The following FAM8A1 variants were observed in gnomAD, a reference collection of about 807,000 sequenced individuals.
FAM8A1 encodes the protein family with sequence similarity 8 member A1.
FAM8A1 carries 18 observed loss-of-function variants against 38.3 expected under a neutral mutation model. The ratio of observed to expected loss-of-function variants is 0.47; its 90% CI spans 0.33 to 0.70. The LOEUF (loss-of-function observed/expected upper bound fraction) is 0.70. Among genes scored for constraint, FAM8A1 ranks in the 30% least tolerant of loss-of-function variants. The pLI is 0.03. For synonymous variants in FAM8A1, 246 were observed against 234.4 expected (o/e 1.05, Z -0.45); for missense variants, 559 against 559.6 (o/e 1.00, Z 0.01).
Position 17,610,024 on chromosome 6 carries a change from TA to T in FAM8A1, c.*1688del, listed in dbSNP as rs1764116985. ...TAATTAAGTACATCAATGTACTAAA[TA>T]AATCATTCAGTTGCACCCATGGGGA... On this transcript the variant is annotated 3_prime_UTR_variant, in exon 5 of 5. Coordinates refer to ENST00000259963, the MANE Select transcript of FAM8A1 (RefSeq NM_016255.3). 1 of 152,176 alleles carries T rather than the reference TA, an allele frequency of 6.6e-6. No homozygotes were observed. The highest frequency in any genetic ancestry group is 2.4e-5 in the African/African-American group (1 of 41,456). The allele number at this position is 152,176 out of a possible 1,614,324, so 9.4% of individuals were successfully genotyped here.
At position 17,610,944 on chromosome 6, in the gene FAM8A1, A is replaced by G. The variant is rs1052444775; in HGVS notation, c.*2605A>G. The G allele has an allele frequency of 9.9e-5, 15 of 152,182 alleles. No homozygotes were observed. Among genetic ancestry groups the G allele is most frequent in the African/African-American group, 3.1e-4 (13 of 41,464 alleles). 9.4% of individuals were successfully genotyped at this position (152,182 alleles called of 1,614,324 possible). On this transcript the variant is annotated 3_prime_UTR_variant, in exon 5 of 5. Transcript: ENST00000259963. ...AAATCTGGCATACTGAATAAATAAC[A>G]TTAACTTGGGAGCCAAGAGCTGGGT...
Position 17,600,534 on chromosome 6 carries a change from A to AC in FAM8A1, c.130dup (p.Gln44ProfsTer143), listed in dbSNP as rs1312602114. 2.6e-6 allele frequency: 4 copies of AC among 1,524,768 alleles called. No individual in the cohort carries two copies. Among genetic ancestry groups the AC allele is most frequent in the African/African-American group, 1.5e-5 (1 of 68,450 alleles). 94.5% of individuals were successfully genotyped at this position (1,524,768 alleles called of 1,614,324 possible). On this transcript the variant is annotated frameshift_variant, in exon 1 of 5. Transcript: ENST00000259963. LOFTEE classifies it high-confidence loss of function. ...ACCGCCGTCCCATGCCCCCGCGACGACCCCCAGGCCGAACCCCAGGCCCCG... is the reference window on the plus strand; with the variant it reads ...ACCGCCGTCCCATGCCCCCGCGACGACCCCCCAGGCCGAACCCCAGGCCCCG...
chr6:17,611,557 T>TCAAA lies in FAM8A1; in HGVS notation c.*3221_*3224dup, dbSNP rs1374255443. On this transcript the variant is annotated 3_prime_UTR_variant, in exon 5 of 5. Transcript: ENST00000259963. ...GTTTGCCTGGATAAAGTTCCTCATT[T>TCAAA]CAAACAGTATACATACTTCTTTGCA... 1 of 152,632 alleles carries TCAAA rather than the reference T, an allele frequency of 6.6e-6. No homozygotes were observed. Among genetic ancestry groups the TCAAA allele is most frequent in the Non-Finnish European group, 1.5e-5 (1 of 68,040 alleles). 9.5% of individuals were successfully genotyped at this position (152,632 alleles called of 1,614,324 possible).
intron 4 of FAM8A1, among the ~76,000 whole-genome samples, chr6:17,607,013 C>A (rs964802116): frequency 6.6e-6 from 1 of 152,124 alleles, no homozygotes; most frequent in Non-Finnish European, 1.5e-5. Flanking sequence ...GTAATCCCAG[C>A]ACTTTGTGAG....
Position 17,604,906 on chromosome 6 carries a change from G to T in FAM8A1, c.834G>T (p.Lys278Asn). Reference sequence around the variant, plus strand: ...AACCCCAAACTATTATTTTGTGTAGGGATATCTCTAAGTTTGCTATGCATT... The same window carrying T: ...AACCCCAAACTATTATTTTGTGTAGTGATATCTCTAAGTTTGCTATGCATT... ...VLSIMHLSGI[K>N]DISKFAMHYI... The change falls in exon 3 of 5, where the codon AAG becomes AAT. Residue 278 changes from lysine (K) to asparagine (N), a missense_variant and splice_region_variant. Physicochemically the swap from Lys to Asn is moderately conservative, Grantham distance 94. Transcript: ENST00000259963. The T allele has an allele frequency of 1.3e-6, 2 of 1,580,530 alleles. No individual in the cohort carries two copies. The highest frequency in any genetic ancestry group is 1.2e-5 in the South Asian group (1 of 86,632).
Position 17,604,902 on chromosome 6 carries a change from G to T in FAM8A1, c.834-4G>T. The T allele has an allele frequency of 6.4e-7, 1 of 1,572,288 alleles. No homozygotes were observed. Among genetic ancestry groups the T allele is most frequent in the South Asian group, 1.2e-5 (1 of 86,000 alleles). On this transcript the variant is annotated splice_region_variant and splice_polypyrimidine_tract_variant and intron_variant, in intron 2 of 4. Transcript: ENST00000259963. ...TTATAACCCCAAACTATTATTTTGT[G>T]TAGGGATATCTCTAAGTTTGCTATG...
chr6:17,606,311 C>T (rs1581641338), intron 4 of FAM8A1, among the ~76,000 whole-genome samples: 1 of 151,870 alleles, frequency 6.6e-6, no homozygotes, highest in East Asian at 1.9e-4. Flanking sequence ...CGCCATTCTC[C>T]TGCCTCAGCC....
rs779416893 is a variant in FAM8A1, at chr6:17,600,806, A to C, written c.397A>C (p.Ser133Arg). 6.2e-6 allele frequency: 10 copies of C among 1,610,876 alleles called. No individual in the cohort carries two copies. Reference sequence around the variant, plus strand: ...CTACTGCGGCTACCTCACCTGGCACAGCGGCCTGGCCGCCTTCCCAGCCTA... The same window carrying C: ...CTACTGCGGCTACCTCACCTGGCACCGCGGCCTGGCCGCCTTCCCAGCCTA... ...QSYCGYLTWH[S>R]GLAAFPAYCS... The change falls in exon 1 of 5, where the codon AGC (serine) becomes CGC (arginine). Residue 133 changes from serine (S) to arginine (R), a missense_variant. Physicochemically the swap from Ser to Arg is moderately radical, Grantham distance 110. Transcript: ENST00000259963.
intron 4 of FAM8A1, among the ~76,000 whole-genome samples, chr6:17,607,180 A>G (rs1376417554): frequency 6.8e-6 from 1 of 146,392 alleles, no homozygotes; most frequent in Admixed American, 7.1e-5. Flanking sequence ...AATGGCATGA[A>G]CCCGGGAGGC....
Position 17,600,638 on chromosome 6 carries a change from G to A in FAM8A1, c.229G>A (p.Gly77Arg). 2 of 1,538,450 alleles carry A rather than the reference G, an allele frequency of 1.3e-6. No homozygotes were observed. Among genetic ancestry groups the A allele is most frequent in the African/African-American group, 1.4e-5 (1 of 69,322 alleles). The change falls in exon 1 of 5, where the codon GGG becomes AGG. Residue 77 changes from glycine (G) to arginine (R), a missense_variant. By Grantham distance (125) the Gly-to-Arg change is moderately radical. This residue lies in a region of FAM8A1 where 393 missense variants were observed against 338.9 expected (regional missense o/e 1.16). Transcript: ENST00000259963. ...GCCGCCGCGCGAGCTCAGGAAGCGC[G>A]GGGAGGCGGCCTCCGGCTCCGGTGC... is the stretch of plus-strand genomic sequence containing the variant. ...LEPPRELRKRGEAASGSGAEL... is the reference protein window; with the variant it reads ...LEPPRELRKRREAASGSGAEL...
At chr6:17,603,797 G>A (rs905024250) in intron 2 of FAM8A1, among the ~76,000 whole-genome samples, 6 of 151,920 alleles carry the variant, frequency 3.9e-5, no homozygotes, top group Admixed American at 2.6e-4. Flanking sequence ...TGTTGCCCAG[G>A]CTGGTCTCAA....
intron 1 of FAM8A1, 35 bp from the exon 2 acceptor site, chr6:17,602,555 G>GT (rs1213847054): frequency 6.9e-7 from 1 of 1,442,028 alleles, no homozygotes; most frequent in East Asian, 2.8e-5. Context: ...GAAATGATTC[G>GT]TTTTTCCTAA....
intron 2 of FAM8A1, among the ~76,000 whole-genome samples, chr6:17,603,526 C>T (rs1316632530): frequency 1.3e-5 from 2 of 152,124 alleles, no homozygotes; most frequent in African/African-American, 2.4e-5. Flanking sequence ...ATACCAACTC[C>T]TTTATGTTCA....
chr6:17,604,066 G>T (rs555980267), intron 2 of FAM8A1, among the ~76,000 whole-genome samples: 6 of 151,656 alleles, frequency 4.0e-5, no homozygotes, highest in Admixed American at 3.3e-4. Context: ...CCCTTCAATG[G>T]TTTCTCTTTT....
At chr6:17,605,231 C>T (rs576143354) in intron 3 of FAM8A1, among the ~76,000 whole-genome samples, 228 of 152,262 alleles carry the variant, frequency 1.5e-3, no homozygotes, top group African/African-American at 5.3e-3. Context: ...CAGGTGCATA[C>T]CACCACACCT....
chr6:17,604,552 T>G (rs1764027436), intron 2 of FAM8A1, among the ~76,000 whole-genome samples: 2 of 152,194 alleles, frequency 1.3e-5, no homozygotes, highest in African/African-American at 4.8e-5. Flanking sequence ...GTTAAGTGTA[T>G]CTGGTGTATG....
At chr6:17,606,270 G>A (rs942146342) in intron 4 of FAM8A1, among the ~76,000 whole-genome samples, 10 of 146,660 alleles carry the variant, frequency 6.8e-5, no homozygotes, top group Non-Finnish European at 1.5e-4. Context: ...GCACAGTCTC[G>A]GCTCACTGCA....
Position 17,600,338 on chromosome 6 carries a change from G to GTAGGGGAGGGGCCA in FAM8A1, c.-71_-70insAGGGGAGGGGCCAT. On this transcript the variant is annotated 5_prime_UTR_variant, in exon 1 of 5. Transcript: ENST00000259963. Reference sequence around the variant, plus strand: ...CGGTTGCTGCGGTGGTGACGGGGCTGTTGGGGAGGGGCCATTGGGGGAGGG... The same window carrying GTAGGGGAGGGGCCA: ...CGGTTGCTGCGGTGGTGACGGGGCTGTAGGGGAGGGGCCATTGGGGAGGGGCCATTGGGGGAGGG... 1 of 1,321,798 alleles carries GTAGGGGAGGGGCCA rather than the reference G, an allele frequency of 7.6e-7. No individual in the cohort carries two copies. The allele number at this position is 1,321,798 out of a possible 1,614,324, so 81.9% of individuals were successfully genotyped here.
chr6:17,600,363 G>T lies in FAM8A1; in HGVS notation c.-47G>T, dbSNP rs933590453. On this transcript the variant is annotated 5_prime_UTR_variant, in exon 1 of 5. Transcript: ENST00000259963. ...GTTGGGGAGGGGCCATTGGGGGAGG[G>T]AAACGGAGCAGTGACAGGTATCCCA... is the stretch of plus-strand genomic sequence containing the variant. The T allele has an allele frequency of 3.0e-6, 4 of 1,339,014 alleles. No individual in the cohort carries two copies. Among genetic ancestry groups the T allele is most frequent in the Non-Finnish European group, 3.8e-6 (4 of 1,043,128 alleles). The allele number at this position is 1,339,014 out of a possible 1,614,324, so 82.9% of individuals were successfully genotyped here. A position where few individuals can be genotyped will look rare whatever the true frequency, so the allele number is the denominator to read the frequency against.
Sources: gnomAD v4.1 joint callset for allele counts (sites outside exome capture counted in the v4.1 genomes callset) on GRCh38, gnomAD v4.1.1 for gene constraint, gnomAD v4.1.1 regional missense constraint, MANE v1.5 for transcripts, NCBI Gene and HGNC (gene_info 2026-07-23, HGNC 2026-07-21) for gene names.